Variants in TTC23L observed in about 807,000 individuals in gnomAD.
The protein encoded by TTC23L is tetratricopeptide repeat protein 23-like.
In TTC23L, 42 loss-of-function variants were observed where a neutral mutation model predicts 48.1. That is an observed-to-expected ratio of 0.87 (90% CI 0.68 to 1.13). The LOEUF is 1.13. Ranked by LOEUF, TTC23L falls within the 50% of genes most tolerant of loss-of-function variation. TTC23L has a pLI of 0.00. For synonymous variants in TTC23L, 159 were observed against 157.2 expected, an observed-to-expected ratio of 1.01 and a Z score of -0.09; for missense variants, 391 against 421.0, an observed-to-expected ratio of 0.93 and a Z score of 0.62.
intron 4 of TTC23L, among the ~76,000 whole-genome samples, chr5:34,859,804 GTTT>G (rs902195849): frequency 4.2e-5 from 6 of 143,122 alleles, no homozygotes; most frequent in Admixed American, 1.4e-4. Flanking sequence ...TAGCTTATAC[GTTT>G]TTCTTTTTTT....
exon 10 of TTC23L, chr5:34,896,824 C>G (rs1357276416): frequency 1.3e-6 from 1 of 746,710 alleles, no homozygotes; most frequent in Admixed American, 1.9e-5. Context: ...GAAGAAGGAA[C>G]TCTACATACA....
chr5:34,857,365 C>T (rs16868536), intron 4 of TTC23L, among the ~76,000 whole-genome samples: 52,030 of 152,062 alleles, frequency 0.34, 10,334 homozygotes, highest in South Asian at 0.45. Context: ...CTTCCAGGTA[C>T]TGGGGCTCTG....
chr5:34,905,903 T>G, the TTC23L span: 1 of 152,178 alleles, frequency 6.6e-6, no homozygotes, highest in African/African-American at 2.4e-5. Flanking sequence ...AATTCATTAG[T>G]CTTTGAATTC....
chr5:34,855,406 A>T (rs1760042968), intron 4 of TTC23L, among the ~76,000 whole-genome samples: 1 of 152,190 alleles, frequency 6.6e-6, no homozygotes, highest in Non-Finnish European at 1.5e-5. Flanking sequence ...TGGCAGGGTT[A>T]ATCTAGCAGT....
chr5:34,863,036 C>T lies in TTC23L; in HGVS notation c.518C>T (p.Ala173Val), dbSNP rs2150396876. The stretch of plus-strand genomic sequence containing the variant: ...AAGCTGTACTACACTCTGGGCGTGG[C>T]CTGGCTCCTGCAGAACCGATATCCT... Residue 173 changes from alanine to valine, a missense_variant, in exon 5 of 11, where the codon GCC (alanine) becomes GTC (valine). Ala to Val is a moderately conservative substitution (Grantham distance 64). Transcript: ENST00000505624. The surrounding 1 kb of genome is among the most constrained non-coding windows in gnomAD (Gnocchi z 4.1). The T allele has an allele frequency of 1.9e-6, 3 of 1,613,950 alleles. No homozygotes were observed. The highest frequency in any genetic ancestry group is 2.5e-6 in the Non-Finnish European group (3 of 1,179,874).
chr5:34,866,463 ATCC>A (rs1289183083), intron 6 of TTC23L, among the ~76,000 whole-genome samples: 2 of 151,896 alleles, frequency 1.3e-5, no homozygotes, highest in African/African-American at 4.8e-5. Context: ...TTTTTTTTCT[ATCC>A]TCATTTTTAA....
At chr5:34,875,476 T>C (rs1761770308) in intron 8 of TTC23L, among the ~76,000 whole-genome samples, 1 of 152,160 alleles carries the variant, frequency 6.6e-6, no homozygotes, top group Admixed American at 6.5e-5. Flanking sequence ...GAGAAAAATG[T>C]AGGCTGGGAG....
chr5:34,896,271 T>C (rs1442251853), intron 9 of TTC23L, among the ~76,000 whole-genome samples: 7 of 152,144 alleles, frequency 4.6e-5, no homozygotes, highest in African/African-American at 1.7e-4. Flanking sequence ...GAGGATAGCA[T>C]GGAATAGGGC....
intron 4 of TTC23L, among the ~76,000 whole-genome samples, 176 bp from the exon 5 acceptor site, chr5:34,862,722 C>T (rs925626247): frequency 2.0e-5 from 3 of 152,124 alleles, no homozygotes; most frequent in African/African-American, 7.2e-5. Context: ...GGCCCAGGAA[C>T]CTGTATTCTT....
chr5:34,925,389 A>C, the TTC23L span: 1 of 1,614,050 alleles, frequency 6.2e-7, no homozygotes, highest in Non-Finnish European at 8.5e-7. Flanking sequence ...ATAGAAATAC[A>C]GTGGGTAAAA....
At chr5:34,911,919 T>C in the TTC23L span, 1 of 1,288,056 alleles carries the variant, frequency 7.8e-7, no homozygotes, top group East Asian at 2.3e-5. Context: ...TCCGCCCAAT[T>C]TCTCACATAT....
chr5:34,915,701 G>A, the TTC23L span: 11 of 1,559,768 alleles, frequency 7.1e-6, no homozygotes, highest in East Asian at 1.9e-4. Flanking sequence ...GAGCGGCAGC[G>A]CCGGAAAGGA....
intron 7 of TTC23L, chr5:34,867,391 C>T: frequency 3.1e-6 from 1 of 319,464 alleles, no homozygotes; most frequent in Non-Finnish European, 5.8e-6. Flanking sequence ...ACAGGGACAA[C>T]CGAACTTAAA....
chr5:34,916,355 ACT>A, the TTC23L span: 1 of 153,442 alleles, frequency 6.5e-6, no homozygotes, highest in African/African-American at 2.4e-5. Context: ...TGGGACTGTG[ACT>A]CTGACTTGTT....
At chr5:34,883,834 A>G (rs1053263035) in intron 9 of TTC23L, among the ~76,000 whole-genome samples, 6 of 152,238 alleles carry the variant, frequency 3.9e-5, no homozygotes, top group Non-Finnish European at 8.8e-5. Flanking sequence ...CATTTAAAGA[A>G]GAATTAATAT....
intron 9 of TTC23L, among the ~76,000 whole-genome samples, chr5:34,894,526 T>C (rs1032562869): frequency 2.0e-5 from 3 of 152,210 alleles, no homozygotes; most frequent in African/African-American, 7.2e-5. Context: ...TGGAGGACTT[T>C]CAAATTCTAT....
At chr5:34,868,387 G>A (rs1462290841) in intron 7 of TTC23L, 5 of 153,552 alleles carry the variant, frequency 3.3e-5, no homozygotes, top group Non-Finnish European at 7.2e-5. Flanking sequence ...TCTTTTCTAA[G>A]TGTTACTCCT....
At chr5:34,921,697 G>A in the TTC23L span, 2 of 152,464 alleles carry the variant, frequency 1.3e-5, no homozygotes, top group African/African-American at 2.4e-5. Flanking sequence ...CCTGAGGTTG[G>A]GAGTTCAAGA....
At chr5:34,898,968 A>C (rs904989105) in intron 10 of TTC23L, among the ~76,000 whole-genome samples, 2 of 152,224 alleles carry the variant, frequency 1.3e-5, no homozygotes, top group South Asian at 4.1e-4. Flanking sequence ...GCTAGAAACA[A>C]GCAAGAGAGA....
Sources: gnomAD v4.1 joint callset for allele counts (sites outside exome capture counted in the v4.1 genomes callset) on GRCh38, gnomAD v4.1.1 for gene constraint, Gnocchi (gnomAD v3.1) non-coding constraint, MANE v1.5 for transcripts, NCBI Gene and HGNC (gene_info 2026-07-23, HGNC 2026-07-21) for gene names.